IL1RAPL1: variants seen among roughly 807,000 people sequenced by gnomAD.
IL1RAPL1 encodes the protein interleukin-1 receptor accessory protein-like 1.
A neutral mutation model predicts 48.4 loss-of-function variants in IL1RAPL1; 3 were observed. The ratio of observed to expected loss-of-function variants is 0.06; its 90% CI spans 0.03 to 0.16. The LOEUF (loss-of-function observed/expected upper bound fraction) is 0.16, where lower values mean the gene tolerates loss of function less well. Among genes scored for constraint, IL1RAPL1 ranks in the 10% least tolerant of loss-of-function variants. The probability of loss-of-function intolerance (pLI) is 1.00; values close to 1 mark genes in which losing one functional copy is unlikely to be tolerated. For synonymous variants in IL1RAPL1, 185 were observed against 187.7 expected, an observed-to-expected ratio of 0.99 and a Z score of 0.12; for missense variants, 349 against 530.6, an observed-to-expected ratio of 0.66 and a Z score of 3.36.
At chrX:29,875,659 T>G (rs1244582758) in intron 6 of IL1RAPL1, among the ~76,000 whole-genome samples, 2 of 112,003 alleles carry the variant, frequency 1.8e-5, no homozygotes, top group African/African-American at 3.2e-5. Flanking sequence ...AACAACATGC[T>G]ATCTACGAAA....
At chrX:29,447,380 T>G (rs1344473619) in intron 5 of IL1RAPL1, among the ~76,000 whole-genome samples, 1 of 110,409 alleles carries the variant, frequency 9.1e-6, no homozygotes, top group African/African-American at 3.3e-5. Context: ...AAAAGCAAAA[T>G]AATTTATTTC....
intron 2 of IL1RAPL1, among the ~76,000 whole-genome samples, chrX:28,989,698 T>C (rs1358025941): frequency 8.9e-6 from 1 of 112,296 alleles, no homozygotes; most frequent in Non-Finnish European, 1.9e-5. Context: ...ATCACTTCTT[T>C]CTTAGATAAT....
chrX:28,925,257 T>C (rs1306483490), intron 2 of IL1RAPL1, among the ~76,000 whole-genome samples: 3 of 112,146 alleles, frequency 2.7e-5, no homozygotes, highest in East Asian at 5.6e-4. Context: ...ATTAATACTT[T>C]TAAATGAATA....
intron 6 of IL1RAPL1, among the ~76,000 whole-genome samples, chrX:29,892,583 G>A (rs1043046536): frequency 1.3e-4 from 15 of 112,434 alleles, no homozygotes; most frequent in African/African-American, 4.5e-4. Context: ...TTGGCAACTT[G>A]GGAAGATGAT....
chrX:28,693,437 G>A (rs779695552), intron 1 of IL1RAPL1, among the ~76,000 whole-genome samples: 58 of 112,230 alleles, frequency 5.2e-4, no homozygotes, highest in African/African-American at 1.6e-3. Context: ...ATGTGTTATC[G>A]TTCAAGCCAT....
chrX:29,381,828 AAAAAAAT>A lies in IL1RAPL1; in HGVS notation c.363-14428_363-14422del, dbSNP rs1361025678. ...AAGACTGTTGCCAAAAAAAAAAAAA[AAAAAAAT>A]ATATATATATATATATATATATATA... On this transcript the variant is annotated intron_variant, in intron 3 of 10. Coordinates refer to ENST00000378993, the MANE Select transcript of IL1RAPL1 (RefSeq NM_014271.4). Among the ~76,000 whole-genome samples the A allele has an allele frequency of 4.2e-3, 168 of 39,690 alleles. 1 individual carries two copies. The highest frequency in any genetic ancestry group is 0.01 in the African/African-American group (160 of 15,394). 34.5% of individuals were successfully genotyped at this position (39,690 alleles called of 115,157 possible).
chrX:28,645,216 G>C, intron 1 of IL1RAPL1, among the ~76,000 whole-genome samples: 1 of 107,362 alleles, frequency 9.3e-6, no homozygotes, highest in East Asian at 2.9e-4. Flanking sequence ...GTATGGTGGC[G>C]TGCTCCTGTA....
chrX:29,815,092 GT>G (rs777053925), intron 6 of IL1RAPL1, among the ~76,000 whole-genome samples: 9 of 110,339 alleles, frequency 8.2e-5, no homozygotes, highest in Admixed American at 1.9e-4. Flanking sequence ...TTTTAGAATA[GT>G]TTTTTTTTCC....
intron 6 of IL1RAPL1, among the ~76,000 whole-genome samples, chrX:29,912,974 G>A (rs139248287): frequency 8.9e-6 from 1 of 111,954 alleles, no homozygotes; most frequent in Non-Finnish European, 1.9e-5. Context: ...CAGAGGAAAG[G>A]ATAATAGTCC....
intron 1 of IL1RAPL1, among the ~76,000 whole-genome samples, chrX:28,778,446 C>T (rs747362182): frequency 1.8e-5 from 2 of 111,706 alleles, no homozygotes; most frequent in African/African-American, 3.3e-5. Context: ...CTTTTCCTCC[C>T]TGGCTCTGTC....
intron 2 of IL1RAPL1, among the ~76,000 whole-genome samples, chrX:29,002,529 T>A (rs1428081697): frequency 9.1e-6 from 1 of 109,614 alleles, no homozygotes; most frequent in Non-Finnish European, 1.9e-5. Context: ...ATATGTATGT[T>A]TTTTTAAAGC....
intron 6 of IL1RAPL1, among the ~76,000 whole-genome samples, chrX:29,754,182 C>T (rs1228811103): frequency 2.7e-5 from 3 of 111,455 alleles, no homozygotes; most frequent in African/African-American, 9.8e-5. Flanking sequence ...TTTTCTTGAC[C>T]TTCAGGCCCA....
chrX:28,890,940 C>T (rs1202990973), intron 2 of IL1RAPL1, among the ~76,000 whole-genome samples: 1 of 112,369 alleles, frequency 8.9e-6, no homozygotes, highest in Non-Finnish European at 1.9e-5. Context: ...AATACAGAAT[C>T]ACTGCTCTGC....
chrX:29,242,703 A>C (rs1476003124), intron 2 of IL1RAPL1, among the ~76,000 whole-genome samples: 1 of 112,118 alleles, frequency 8.9e-6, no homozygotes, highest in East Asian at 2.8e-4. Flanking sequence ...AACAGTTCTT[A>C]GATAGTACGT....
At chrX:29,537,627 A>T (rs772360643) in intron 5 of IL1RAPL1, among the ~76,000 whole-genome samples, 77 of 81,008 alleles carry the variant, frequency 9.5e-4, no homozygotes, top group African/African-American at 1.5e-3. Flanking sequence ...AATATTTGGT[A>T]AAAAAAAAAA....
chrX:29,794,136 C>A (rs1423375488), intron 6 of IL1RAPL1, among the ~76,000 whole-genome samples: 1 of 111,698 alleles, frequency 9.0e-6, no homozygotes, highest in African/African-American at 3.3e-5. Context: ...TCAGGTCATG[C>A]TTTTTTGCAT....
At chrX:29,023,635 AT>A (rs1926419619) in intron 2 of IL1RAPL1, among the ~76,000 whole-genome samples, 1 of 112,537 alleles carries the variant, frequency 8.9e-6, no homozygotes, top group African/African-American at 3.2e-5. Flanking sequence ...CTGATGTGTT[AT>A]GCAAAAGAGG....
At chrX:29,598,065 G>A (rs891842697) in intron 5 of IL1RAPL1, among the ~76,000 whole-genome samples, 1 of 111,051 alleles carries the variant, frequency 9.0e-6, no homozygotes, top group Non-Finnish European at 1.9e-5. Flanking sequence ...TCTTCTGCTG[G>A]GTTTGGGTTT....
At chrX:29,052,758 G>A (rs1050779498) in intron 2 of IL1RAPL1, among the ~76,000 whole-genome samples, 6 of 111,262 alleles carry the variant, frequency 5.4e-5, no homozygotes, top group Middle Eastern at 4.6e-3. Context: ...TGCAACCGCC[G>A]CCTCCCGGGT....
Sources: gnomAD v4.1 joint callset for allele counts (sites outside exome capture counted in the v4.1 genomes callset) on GRCh38, gnomAD v4.1.1 for gene constraint, MANE v1.5 for transcripts, NCBI Gene and HGNC (gene_info 2026-07-23, HGNC 2026-07-21) for gene names.